Variants in NXPE4 observed in about 807,000 individuals in gnomAD.
NXPE4 encodes neurexophilin and PC-esterase domain family member 4.
A neutral mutation model predicts 33.3 loss-of-function variants in NXPE4; 42 were observed. The ratio of observed to expected loss-of-function variants is 1.26; its 90% CI spans 0.98 to 1.63. NXPE4 has a LOEUF of 1.63. Ranked by LOEUF, NXPE4 falls within the 40% of genes most tolerant of loss-of-function variation. The pLI, the probability that NXPE4 is intolerant of heterozygous loss-of-function variation, is 0.00. For synonymous variants in NXPE4, 253 were observed against 234.9 expected (o/e 1.08, Z -0.71); for missense variants, 709 against 647.6 (o/e 1.09, Z -1.03).
chr11:114,584,992 C>A (rs1949257238), intron 2 of NXPE4, among the ~76,000 whole-genome samples: 1 of 152,054 alleles, frequency 6.6e-6, no homozygotes, highest in Non-Finnish European at 1.5e-5. Context: ...TCCTGAAATG[C>A]CAAGTGCCTG....
chr11:114,667,892 A>G, the NXPE4 span, among the ~76,000 whole-genome samples: 10 of 152,192 alleles, frequency 6.6e-5, no homozygotes, highest in African/African-American at 2.4e-4. Context: ...TGCACAAACT[A>G]TGAGATAATA....
chr11:114,676,030 C>T, the NXPE4 span, among the ~76,000 whole-genome samples: 15 of 151,844 alleles, frequency 9.9e-5, no homozygotes, highest in African/African-American at 3.6e-4. Context: ...ATGGTGCTGA[C>T]AGAACTGCAT....
the NXPE4 span, among the ~76,000 whole-genome samples, chr11:114,603,585 C>T: frequency 6.6e-6 from 1 of 151,184 alleles, no homozygotes; most frequent in East Asian, 2.0e-4. Context: ...TCCTAGGTAA[C>T]TCCTATTACC....
the NXPE4 span, among the ~76,000 whole-genome samples, chr11:114,675,337 G>C: frequency 6.6e-6 from 1 of 151,748 alleles, no homozygotes; most frequent in African/African-American, 2.4e-5. Flanking sequence ...AGAAATAAAA[G>C]GCATCCAAAT....
chr11:114,633,625 C>A, the NXPE4 span, among the ~76,000 whole-genome samples: 1 of 151,076 alleles, frequency 6.6e-6, no homozygotes, highest in South Asian at 2.1e-4. Context: ...TGCCCCCAGC[C>A]CACAACTGTC....
At chr11:114,646,552 A>G in the NXPE4 span, among the ~76,000 whole-genome samples, 1 of 152,192 alleles carries the variant, frequency 6.6e-6, no homozygotes, top group East Asian at 1.9e-4. Flanking sequence ...AAAGTGAGTT[A>G]TCATAAGTCA....
chr11:114,609,846 A>G, the NXPE4 span, among the ~76,000 whole-genome samples: 3 of 151,590 alleles, frequency 2.0e-5, no homozygotes, highest in African/African-American at 4.8e-5. Context: ...GATGGATAAT[A>G]ACTATTGCCT....
the NXPE4 span, among the ~76,000 whole-genome samples, chr11:114,616,080 T>G: frequency 6.6e-6 from 1 of 151,686 alleles, no homozygotes; most frequent in Admixed American, 6.6e-5. Context: ...TAAACACTGT[T>G]ACCTGCTGCA....
At position 114,571,474 on chromosome 11, in the gene NXPE4, C is replaced by A; in HGVS notation, c.1100-1G>T. 6.3e-7 allele frequency: 1 copy of A among 1,592,504 alleles called. No homozygotes were observed. Among genetic ancestry groups the A allele is most frequent in the Non-Finnish European group, 8.6e-7 (1 of 1,166,738 alleles). On this transcript the variant is annotated splice_acceptor_variant, in intron 5 of 5. Transcript: ENST00000375478. LOFTEE classifies it high-confidence loss of function. ...TCATGCAGATCCACTGACTTCAGTG[C>A]TGATAACAAATAGGCAATCCCAAAA...
At chr11:114,601,609 A>T in the NXPE4 span, among the ~76,000 whole-genome samples, 1 of 76,970 alleles carries the variant, frequency 1.3e-5, no homozygotes, top group African/African-American at 5.3e-5. Context: ...ATAATTATAT[A>T]TAATTATATA....
intron 5 of NXPE4, among the ~76,000 whole-genome samples, chr11:114,577,253 C>A (rs550284801): frequency 1.1e-4 from 17 of 150,396 alleles, no homozygotes; most frequent in African/African-American, 3.9e-4. Context: ...TGTGCAGCAA[C>A]CTGGATGGAA....
intron 5 of NXPE4, among the ~76,000 whole-genome samples, chr11:114,572,134 C>T (rs1157750691): frequency 6.6e-6 from 1 of 152,128 alleles, no homozygotes; most frequent in Non-Finnish European, 1.5e-5. Flanking sequence ...CACTGGGTTG[C>T]GAGACTCAGG....
At chr11:114,574,463 TTAAC>T (rs1487443405) in intron 5 of NXPE4, among the ~76,000 whole-genome samples, 5 of 152,044 alleles carry the variant, frequency 3.3e-5, no homozygotes, top group South Asian at 2.1e-4. Context: ...ATTAGCAAGA[TTAAC>T]TAAGAAGAGA....
chr11:114,645,565 A>G, the NXPE4 span, among the ~76,000 whole-genome samples: 5 of 152,210 alleles, frequency 3.3e-5, no homozygotes, highest in African/African-American at 9.6e-5. Context: ...TCAGTGCAAT[A>G]AAAGATACCC....
chr11:114,628,657 A>G, the NXPE4 span, among the ~76,000 whole-genome samples: 2 of 149,172 alleles, frequency 1.3e-5, no homozygotes, highest in African/African-American at 5.0e-5. Flanking sequence ...AGAAGGCAAG[A>G]AATAACTAAA....
chr11:114,595,266 C>T (rs929674679), intron 1 of NXPE4, among the ~76,000 whole-genome samples: 3 of 152,116 alleles, frequency 2.0e-5, no homozygotes, highest in Non-Finnish European at 4.4e-5. Flanking sequence ...CTTTCTAGCA[C>T]CCCCTCAAGC....
intron 5 of NXPE4, among the ~76,000 whole-genome samples, chr11:114,579,395 T>C (rs560513935): frequency 6.6e-6 from 1 of 152,282 alleles, no homozygotes; most frequent in South Asian, 2.1e-4. Flanking sequence ...TATATCACTA[T>C]TATTATTCCT....
chr11:114,672,019 A>G, the NXPE4 span, among the ~76,000 whole-genome samples: 1 of 152,000 alleles, frequency 6.6e-6, no homozygotes, highest in African/African-American at 2.4e-5. Context: ...GGCAAAAGGG[A>G]AGCAAGCACA....
chr11:114,660,901 G>C, the NXPE4 span, among the ~76,000 whole-genome samples: 1 of 151,988 alleles, frequency 6.6e-6, no homozygotes, highest in Admixed American at 6.6e-5. Context: ...AGATTATAAG[G>C]TTCAACGTTA....
Sources: gnomAD v4.1 joint callset for allele counts (sites outside exome capture counted in the v4.1 genomes callset) on GRCh38, gnomAD v4.1.1 for gene constraint, MANE v1.5 for transcripts, NCBI Gene and HGNC (gene_info 2026-07-23, HGNC 2026-07-21) for gene names.